Variants in SRRT observed in about 807,000 individuals in gnomAD.
SRRT encodes serrate RNA effector molecule homolog.
A neutral mutation model predicts 103.2 loss-of-function variants in SRRT; 32 were observed. The ratio of observed to expected loss-of-function variants is 0.31; its 90% CI spans 0.23 to 0.42. SRRT has a LOEUF of 0.42. SRRT is among the 10% of genes least tolerant of loss of function. The pLI is 1.00. For missense variants in SRRT, 986 were observed against 1,207.5 expected (o/e 0.82, Z 2.72); for synonymous variants, 525 against 449.0 (o/e 1.17, Z -2.14).
intron 2 of SRRT, among the ~76,000 whole-genome samples, chr7:100,877,209 T>TCC (rs1330499942): frequency 6.7e-6 from 1 of 149,056 alleles, no homozygotes; most frequent in African/African-American, 2.5e-5. Flanking sequence ...GATCACGAGA[T>TCC]CGAGAGATTG....
Position 100,885,461 on chromosome 7 carries a change from C to CT in SRRT, c.1317+91_1317+92insT, listed in dbSNP as rs397796684. 4.3e-6 allele frequency: 6 copies of CT among 1,394,046 alleles called. No individual in the cohort carries two copies. The East Asian group carries it at 1.4e-4, about 33-fold the overall frequency. The allele number at this position is 1,394,046 out of a possible 1,614,324, so 86.4% of individuals were successfully genotyped here. A position where few individuals can be genotyped will look rare whatever the true frequency, so the allele number is the denominator to read the frequency against. ...GGGGCCCTGCCTGTGACAGATGCCC[C>CT]CGTTTCACCTGCTAGGGAGGCCCCT... On this transcript the variant is annotated intron_variant, in intron 10 of 19. Transcript: ENST00000611405. This position sits in a 1 kb window ranked among gnomAD's most constrained non-coding sequence, Gnocchi z 4.8.
chr7:100,886,991 C>T (rs773031523), intron 14 of SRRT, 23 bp downstream of exon 14: 48 of 1,609,462 alleles, frequency 3.0e-5, no homozygotes, highest in South Asian at 1.1e-4. Flanking sequence ...GCGCGGGGCA[C>T]GTGGGGGCTC....
In SRRT at chr7:100,887,536, C is replaced by T. The variant is rs144377758; in HGVS notation, c.2169+23C>T. 0.02 allele frequency: 31,659 copies of T among 1,610,006 alleles called. 368 individuals are homozygous for T. The highest frequency in any genetic ancestry group is 0.023 in the Non-Finnish European group (26,890 of 1,177,364). ...AAGGTGTGGGATGTTGGAGAATGGC[C>T]GTGCTACGGTGGTGGGAGGTGGGGT... is the stretch of plus-strand genomic sequence containing the variant. On this transcript the variant is annotated intron_variant, in intron 16 of 19. Transcript: ENST00000611405. The surrounding 1 kb of genome is among the most constrained non-coding windows in gnomAD (Gnocchi z 4.1).
At chr7:100,888,010 C>T (rs1790323023) in intron 17 of SRRT, 32 bp from the exon 18 acceptor site, 10 of 1,526,334 alleles carry the variant, frequency 6.6e-6, no homozygotes, top group African/African-American at 1.4e-5. Context: ...CCCTCCCCGC[C>T]CCCGCAGTAA....
rs1167377973 is a variant in SRRT, at chr7:100,884,898, GTCCCCTC to G, written c.1042-23_1042-17del. The G allele has an allele frequency of 5.6e-6, 9 of 1,613,820 alleles. No homozygotes were observed. The highest frequency in any genetic ancestry group is 7.6e-6 in the Non-Finnish European group (9 of 1,179,950). ...GGCTGGGGTTCTGGCACGCTGACTT[GTCCCCTC>G]TGCTGTGGCTCACACAGAGTAGCAA... On this transcript the variant is annotated intron_variant, in intron 8 of 19. Transcript: ENST00000611405.
intron 4 of SRRT, 56 bp from the exon 5 acceptor site, chr7:100,881,997 T>C (rs1789621131): frequency 6.4e-7 from 1 of 1,568,704 alleles, no homozygotes; most frequent in Non-Finnish European, 8.6e-7. Context: ...CTTTGGCCCC[T>C]GTAGCCTCCC....
At chr7:100,880,798 A>T (rs1751100144) in intron 2 of SRRT, 1 of 345,964 alleles carries the variant, frequency 2.9e-6, no homozygotes, top group South Asian at 2.0e-5. Context: ...GGGGTGATTC[A>T]TGTGGGTCTG....
At chr7:100,876,332 A>G (rs993149400) in intron 2 of SRRT, among the ~76,000 whole-genome samples, 1 of 152,070 alleles carries the variant, frequency 6.6e-6, no homozygotes, top group Non-Finnish European at 1.5e-5. Flanking sequence ...TTGTATTTTT[A>G]GTAGAGACGG....
At position 100,888,094 on chromosome 7, in the gene SRRT, G is replaced by A. The variant is rs750335790; in HGVS notation, c.2379G>A (p.Gln793=). ...PGLPYPHQTP[Q]GLMPYGQPRP... ...TCCCCTACCCACACCAGACTCCCCAGGGCCTGATGCCCTATGGTCAGCCCC... is the reference window on the plus strand; with the variant it reads ...TCCCCTACCCACACCAGACTCCCCAAGGCCTGATGCCCTATGGTCAGCCCC... Residue 793 remains glutamine, a synonymous_variant, in exon 18 of 20, where the codon CAG becomes CAA. Transcript: ENST00000611405. 1 of 1,609,114 alleles carries A rather than the reference G, an allele frequency of 6.2e-7. No homozygotes were observed. Among genetic ancestry groups the A allele is most frequent in the Admixed American group, 1.7e-5 (1 of 59,292 alleles).
At chr7:100,884,039 T>G in intron 5 of SRRT, 31 bp from the exon 6 acceptor site, 1 of 1,458,090 alleles carries the variant, frequency 6.9e-7, no homozygotes, top group Non-Finnish European at 9.0e-7. Context: ...CAATAACTGT[T>G]TTGTCTTTCC....
At chr7:100,881,555 C>G (rs1789559806) in intron 3 of SRRT, 104 bp from the exon 4 acceptor site, 1 of 1,576,234 alleles carries the variant, frequency 6.3e-7, no homozygotes, top group Non-Finnish European at 8.6e-7. Context: ...CCCTTGAAAC[C>G]CTTGTCTGGG....
At chr7:100,886,498 C>A in intron 13 of SRRT, 63 bp downstream of exon 13, 2 of 1,484,480 alleles carry the variant, frequency 1.3e-6, no homozygotes, top group Non-Finnish European at 1.8e-6. Context: ...GTGGGCACCT[C>A]TGACCTTACC....
rs745409291 is a variant in SRRT, at chr7:100,884,835, A to G, written c.1038A>G (p.Lys346=). ...EKKEDSEKEA[K]KSSKKRNRKH... Reference sequence around the variant, plus strand: ...AAGAAGACTCCGAGAAGGAAGCCAAAAAGGTGAGGTGTCTGTGGCCTGGGG... The same window carrying G: ...AAGAAGACTCCGAGAAGGAAGCCAAGAAGGTGAGGTGTCTGTGGCCTGGGG... The change falls in exon 8 of 20, where the codon AAA becomes AAG. Residue 346 remains lysine (K), a synonymous_variant. Transcript: ENST00000611405. 2 of 1,613,916 alleles carry G rather than the reference A, an allele frequency of 1.2e-6. No homozygotes were observed. Among genetic ancestry groups the G allele is most frequent in the Non-Finnish European group, 1.7e-6 (2 of 1,179,932 alleles).
At chr7:100,886,124 C>G in intron 12 of SRRT, 123 bp from the exon 13 acceptor site, 1 of 1,295,572 alleles carries the variant, frequency 7.7e-7, no homozygotes, top group South Asian at 1.4e-5. Context: ...TATGTGGTCC[C>G]CGTCCCCAGG....
rs1426027976 is a variant in SRRT, at chr7:100,885,213, A to C, written c.1160A>C (p.Glu387Ala). ...GQAEEEKEEA[E>A]EALKEKEKPK... ...CCTTCCTACCCCCCTTCCTGCCTAGAAGAAGCGCTCAAGGAGAAGGAGAAG... is the reference window on the plus strand; with the variant it reads ...CCTTCCTACCCCCCTTCCTGCCTAGCAGAAGCGCTCAAGGAGAAGGAGAAG... The change falls in exon 10 of 20, where the codon GAA (glutamate) becomes GCA (alanine). Residue 387 changes from glutamate to alanine, a missense_variant and splice_region_variant. Physicochemically the swap from Glu to Ala is moderately radical, Grantham distance 107. This residue lies in a region of SRRT where 166 missense variants were observed against 148.6 expected (regional missense o/e 1.12). Transcript: ENST00000611405. The surrounding 1 kb of genome is among the most constrained non-coding windows in gnomAD (Gnocchi z 4.8). The C allele has an allele frequency of 6.2e-7, 1 of 1,613,442 alleles. No individual in the cohort carries two copies. Among genetic ancestry groups the C allele is most frequent in the Admixed American group, 1.7e-5 (1 of 59,896 alleles).
chr7:100,885,645 G>T lies in SRRT; in HGVS notation c.1318-56G>T. On this transcript the variant is annotated intron_variant, in intron 10 of 19. Coordinates refer to ENST00000611405, the MANE Select transcript of SRRT (RefSeq NM_015908.6). The surrounding 1 kb of genome is among the most constrained non-coding windows in gnomAD (Gnocchi z 4.8). ...GTTCTGAGGGCAGTGGGGGATTGGA[G>T]GAAGAAGCGAATGAATCCTTGAGTC... The T allele has an allele frequency of 2.0e-6, 3 of 1,538,208 alleles. No individual in the cohort carries two copies. The highest frequency in any genetic ancestry group is 2.7e-6 in the Non-Finnish European group (3 of 1,129,860).
chr7:100,887,567 C>T lies in SRRT; in HGVS notation c.2169+54C>T. ...ACGGTGGTGGGAGGTGGGGTTGAGA[C>T]AGGAAGCCCCCTGGGCAGGGGTGGG... is the stretch of plus-strand genomic sequence containing the variant. On this transcript the variant is annotated intron_variant, in intron 16 of 19. Transcript: ENST00000611405. This position sits in a 1 kb window ranked among gnomAD's most constrained non-coding sequence, Gnocchi z 4.1. 6.3e-7 allele frequency: 1 copy of T among 1,595,090 alleles called. No homozygotes were observed. The highest frequency in any genetic ancestry group is 8.6e-7 in the Non-Finnish European group (1 of 1,168,486).
Position 100,884,207 on chromosome 7 carries a change from A to G in SRRT, c.725A>G (p.Lys242Arg). ...WFDNLLLDID[K>R]ADAIVKMLDA... ...GATAACCTTCTCCTGGACATAGACA[A>G]AGCTGATGCCATTGTCAAGATGCTG... The change falls in exon 6 of 20, where the codon AAA (lysine) becomes AGA (arginine). Residue 242 changes from lysine (K) to arginine (R), a missense_variant. Transcript: ENST00000611405. The G allele has an allele frequency of 6.2e-7, 1 of 1,614,170 alleles. No individual in the cohort carries two copies. Among genetic ancestry groups the G allele is most frequent in the Non-Finnish European group, 8.5e-7 (1 of 1,180,036 alleles).
intron 2 of SRRT, among the ~76,000 whole-genome samples, chr7:100,879,168 C>T (rs548177371): frequency 6.6e-6 from 1 of 152,254 alleles, no homozygotes; most frequent in African/African-American, 2.4e-5. Context: ...GTTGGCTAGG[C>T]TGGTCTCAAA....
Sources: gnomAD v4.1 joint callset for allele counts (sites outside exome capture counted in the v4.1 genomes callset) on GRCh38, gnomAD v4.1.1 for gene constraint, gnomAD v4.1.1 regional missense constraint, Gnocchi (gnomAD v3.1) non-coding constraint, MANE v1.5 for transcripts, NCBI Gene and HGNC (gene_info 2026-07-23, HGNC 2026-07-21) for gene names.